CADM2: variants seen among roughly 807,000 people sequenced by gnomAD.
CADM2 encodes the protein immunoglobulin superfamily member 4D.
CADM2 carries 12 observed loss-of-function variants against 49.8 expected under a neutral mutation model. The observed-to-expected ratio is 0.24, with a 90% CI of 0.15 to 0.39. The LOEUF is 0.39. CADM2 is among the 10% of genes least tolerant of loss of function. The pLI is 1.00. For synonymous variants in CADM2, 214 were observed against 175.4 expected, an observed-to-expected ratio of 1.22 and a Z score of -1.74; for missense variants, 378 against 492.3, an observed-to-expected ratio of 0.77 and a Z score of 2.20.
At chr3:85,421,721 T>A (rs2036180329) in intron 1 of CADM2, among the ~76,000 whole-genome samples, 1 of 152,224 alleles carries the variant, frequency 6.6e-6, no homozygotes, top group Admixed American at 6.5e-5. Context: ...TACTCACATA[T>A]TGTTCACTAT....
chr3:85,029,614 T>C (rs2034891109), intron 1 of CADM2, among the ~76,000 whole-genome samples: 2 of 152,232 alleles, frequency 1.3e-5, no homozygotes, highest in African/African-American at 4.8e-5. Context: ...GTGAGCAGTG[T>C]GTTTCTCACC....
intron 8 of CADM2, chr3:86,013,901 T>A: frequency 6.3e-7 from 1 of 1,592,984 alleles, no homozygotes; most frequent in Non-Finnish European, 8.6e-7. Flanking sequence ...ATCCCCAAGC[T>A]ATCTACACAC....
At chr3:85,282,837 C>T (rs376118979) in intron 1 of CADM2, among the ~76,000 whole-genome samples, 1 of 151,952 alleles carries the variant, frequency 6.6e-6, no homozygotes, top group Non-Finnish European at 1.5e-5. Flanking sequence ...TATCACACAG[C>T]AGGGTGACTA....
intron 3 of CADM2, among the ~76,000 whole-genome samples, chr3:85,873,861 G>T (rs1307042873): frequency 6.6e-6 from 1 of 151,754 alleles, no homozygotes; most frequent in African/African-American, 2.4e-5. Context: ...TTTATTTGTG[G>T]AAAATTCACA....
At chr3:85,571,448 A>G (rs1007124926) in intron 1 of CADM2, among the ~76,000 whole-genome samples, 1 of 151,724 alleles carries the variant, frequency 6.6e-6, no homozygotes, top group African/African-American at 2.4e-5. Context: ...CCACTCATTT[A>G]TGAAAATGTC....
chr3:85,507,923 TA>T (rs11288859), intron 1 of CADM2, among the ~76,000 whole-genome samples: 90,487 of 152,002 alleles, frequency 0.6, 28,389 homozygotes, highest in East Asian at 0.93. Flanking sequence ...ACCTGAGTTG[TA>T]AAAAACTATA....
chr3:85,982,477 A>G (rs1452437550), intron 8 of CADM2, among the ~76,000 whole-genome samples: 1 of 151,636 alleles, frequency 6.6e-6, no homozygotes, highest in Non-Finnish European at 1.5e-5. Flanking sequence ...AGTTCATATT[A>G]TCTATTTTAA....
intron 1 of CADM2, among the ~76,000 whole-genome samples, chr3:85,137,482 C>G (rs1224418473): frequency 6.6e-6 from 1 of 151,950 alleles, no homozygotes; most frequent in Non-Finnish European, 1.5e-5. Context: ...GTTTTATAAT[C>G]TAAAACAAAT....
chr3:85,602,965 T>C (rs1021402727), intron 1 of CADM2, among the ~76,000 whole-genome samples: 33 of 151,944 alleles, frequency 2.2e-4, no homozygotes, highest in African/African-American at 7.9e-4. Flanking sequence ...GGTTTTTCTA[T>C]GTTAGTACTG....
intron 1 of CADM2, among the ~76,000 whole-genome samples, chr3:85,486,113 C>T (rs1260520236): frequency 1.3e-5 from 2 of 152,070 alleles, no homozygotes; most frequent in African/African-American, 4.8e-5. Flanking sequence ...GCGAAACATA[C>T]AATTTACAAT....
At chr3:85,047,550 A>G (rs2035714762) in intron 1 of CADM2, among the ~76,000 whole-genome samples, 1 of 152,184 alleles carries the variant, frequency 6.6e-6, no homozygotes, top group Non-Finnish European at 1.5e-5. Context: ...CACAAAAGGG[A>G]GTAAATTTAT....
intron 1 of CADM2, among the ~76,000 whole-genome samples, chr3:85,152,382 C>T (rs1382075853): frequency 1.3e-5 from 2 of 152,124 alleles, no homozygotes; most frequent in Non-Finnish European, 2.9e-5. Context: ...TCCATGTGGA[C>T]CCATCATCCT....
At chr3:85,890,703 C>CTT (rs1714311017) in intron 5 of CADM2, among the ~76,000 whole-genome samples, 1 of 140,780 alleles carries the variant, frequency 7.1e-6, no homozygotes, top group African/African-American at 2.8e-5. Flanking sequence ...TTTTTTTTTT[C>CTT]TTTTTTTCAT....
rs1049239765 is a variant in CADM2, at chr3:85,453,705, A to G, written c.62-272817A>G. Among the ~76,000 whole-genome samples the G allele has an allele frequency of 2.0e-5, 3 of 152,182 alleles. No homozygotes were observed. In the South Asian group the frequency reaches 6.2e-4, roughly 32 times the overall value. ...TTTTACATCATCACTTACCTAAAAA[A>G]AACCTGTTTAATGTGCAAGGTGAAA... is the stretch of plus-strand genomic sequence containing the variant. On this transcript the variant is annotated intron_variant, in intron 1 of 9. Transcript: ENST00000383699.
At chr3:85,842,790 T>G (rs2108267475) in intron 3 of CADM2, among the ~76,000 whole-genome samples, 1 of 152,310 alleles carries the variant, frequency 6.6e-6, no homozygotes, top group Admixed American at 6.5e-5. Flanking sequence ...TACTGTTAAC[T>G]TCTTATAGGA....
chr3:86,056,205 C>T (rs963696280), intron 8 of CADM2, among the ~76,000 whole-genome samples: 9 of 152,142 alleles, frequency 5.9e-5, no homozygotes. Flanking sequence ...GTGAAGGACC[C>T]TTAGTTCTAA....
chr3:85,919,212 A>T (rs1275471699), intron 6 of CADM2, among the ~76,000 whole-genome samples: 1 of 152,030 alleles, frequency 6.6e-6, no homozygotes, highest in African/African-American at 2.4e-5. Context: ...CTTATCATTA[A>T]TGTTTGTTTA....
chr3:85,102,281 C>A (rs2038044513), intron 1 of CADM2, among the ~76,000 whole-genome samples: 1 of 152,010 alleles, frequency 6.6e-6, no homozygotes, highest in South Asian at 2.1e-4. Flanking sequence ...ACATTTGGGT[C>A]ATGAATAAAT....
intron 2 of CADM2, among the ~76,000 whole-genome samples, chr3:85,786,179 ATTTT>A (rs1000505072): frequency 1.5e-4 from 23 of 152,176 alleles, no homozygotes; most frequent in African/African-American, 5.5e-4. Flanking sequence ...TTTCACCTTA[ATTTT>A]TATTGAAGTT....
Sources: allele counts gnomAD v4.1 joint callset (sites outside exome capture counted in the v4.1 genomes callset), GRCh38; gene constraint gnomAD v4.1.1; transcripts MANE v1.5; gene names NCBI Gene and HGNC (gene_info 2026-07-23, HGNC 2026-07-21).